Variants in DNAJC5B observed in about 807,000 individuals in gnomAD.
DNAJC5B encodes dnaJ homolog subfamily C member 5B.
In DNAJC5B, 23 loss-of-function variants were observed where a neutral mutation model predicts 24.7. That is an observed-to-expected ratio of 0.93 (90% CI 0.67 to 1.32). The LOEUF is 1.32. Among genes scored for constraint, DNAJC5B ranks in the 40% most tolerant of loss-of-function variants. DNAJC5B has a pLI of 0.00. For missense variants in DNAJC5B, 238 were observed against 240.8 expected (o/e 0.99, Z 0.08); for synonymous variants, 101 against 90.1 (o/e 1.12, Z -0.68).
intron 3 of DNAJC5B, among the ~76,000 whole-genome samples, chr8:66,051,886 T>C (rs1167023483): frequency 6.6e-6 from 1 of 152,112 alleles, no homozygotes; most frequent in Non-Finnish European, 1.5e-5. Flanking sequence ...AAGGGCAGCC[T>C]GTGTCTTAGA....
At chr8:66,026,285 CTT>C (rs1806242019) in intron 1 of DNAJC5B, among the ~76,000 whole-genome samples, 2 of 151,544 alleles carry the variant, frequency 1.3e-5, no homozygotes, top group South Asian at 4.2e-4. Context: ...TATCCTGAGA[CTT>C]TGCTGAAGTT....
chr8:66,052,154 C>G (rs375973348), intron 3 of DNAJC5B, among the ~76,000 whole-genome samples: 1 of 148,598 alleles, frequency 6.7e-6, no homozygotes, highest in Admixed American at 6.7e-5. Context: ...GATGGGGTTT[C>G]ACCATGTTGG....
At chr8:66,067,215 A>G (rs1419920647) in intron 3 of DNAJC5B, among the ~76,000 whole-genome samples, 1 of 12,494 alleles carries the variant, frequency 8.0e-5, no homozygotes, top group Non-Finnish European at 1.6e-4. Flanking sequence ...CCCCACCCCC[A>G]CATATTTTAA....
intron 1 of DNAJC5B, among the ~76,000 whole-genome samples, chr8:66,023,058 C>T (rs1410598340): frequency 1.3e-5 from 2 of 152,220 alleles, no homozygotes; most frequent in African/African-American, 2.4e-5. Flanking sequence ...CTGTCGCATA[C>T]TGCAGAATTT....
rs1808048229 is a variant in DNAJC5B at position 66,100,321 on chromosome 8, C to T, written c.*290C>T. 1 of 235,116 alleles carries T rather than the reference C, an allele frequency of 4.3e-6. No homozygotes were observed. The highest frequency in any genetic ancestry group is 5.2e-5 in the Admixed American group (1 of 19,186). 14.6% of individuals were successfully genotyped at this position (235,116 alleles called of 1,614,324 possible). On this transcript the variant is annotated 3_prime_UTR_variant, in exon 6 of 6. Coordinates refer to ENST00000276570, the MANE Select transcript of DNAJC5B (RefSeq NM_033105.6). ...GAATTGTACAGCCTTTATGAACCTG[C>T]CCTTTATGTGTGGCAGATCTGATTC...
intron 2 of DNAJC5B, among the ~76,000 whole-genome samples, chr8:66,044,587 T>C (rs1248925182): frequency 6.6e-6 from 1 of 152,150 alleles, no homozygotes; most frequent in African/African-American, 2.4e-5. Context: ...CCTATTGTCA[T>C]TGGGGGGTTG....
intron 5 of DNAJC5B, among the ~76,000 whole-genome samples, chr8:66,089,513 T>A (rs879827720): frequency 6.6e-6 from 1 of 152,248 alleles, no homozygotes; most frequent in Non-Finnish European, 1.5e-5. Flanking sequence ...ATTTTTCACC[T>A]GCCTTAAGAT....
chr8:66,078,939 C>G (rs1043165663), intron 4 of DNAJC5B, among the ~76,000 whole-genome samples: 87 of 152,106 alleles, frequency 5.7e-4, no homozygotes, highest in Non-Finnish European at 7.1e-4. Context: ...GCACACAAGT[C>G]CTCTTTGTCC....
At chr8:66,071,434 A>G (rs1807346449) in intron 3 of DNAJC5B, among the ~76,000 whole-genome samples, 1 of 152,258 alleles carries the variant, frequency 6.6e-6, no homozygotes, top group African/African-American at 2.4e-5. Context: ...TATGCAGCCA[A>G]CAGACACATG....
chr8:66,019,977 T>C (rs1406872124), upstream of DNAJC5B, among the ~76,000 whole-genome samples: 1 of 152,250 alleles, frequency 6.6e-6, no homozygotes, highest in East Asian at 1.9e-4. Context: ...TGAAGACATT[T>C]AGGAAGTTAG....
upstream of DNAJC5B, among the ~76,000 whole-genome samples, chr8:66,020,368 G>A (rs1806079354): frequency 6.6e-6 from 1 of 152,180 alleles, no homozygotes; most frequent in Non-Finnish European, 1.5e-5. Flanking sequence ...CCCAATATAT[G>A]TTCTCCTCTT....
At chr8:66,060,291 A>G (rs999650765) in intron 3 of DNAJC5B, among the ~76,000 whole-genome samples, 2 of 152,174 alleles carry the variant, frequency 1.3e-5, no homozygotes, top group Non-Finnish European at 2.9e-5. Context: ...CTTTTCCAGA[A>G]GATTCTACAG....
At chr8:66,087,552 A>G (rs1438509663) in intron 5 of DNAJC5B, among the ~76,000 whole-genome samples, 2 of 152,210 alleles carry the variant, frequency 1.3e-5, no homozygotes, top group Non-Finnish European at 2.9e-5. Context: ...GACAAGGCAC[A>G]TCCCTTCTAC....
chr8:66,100,060 C>T lies in DNAJC5B; in HGVS notation c.*29C>T, dbSNP rs1808041990. The T allele has an allele frequency of 6.3e-7, 1 of 1,597,468 alleles. No individual in the cohort carries two copies. Among genetic ancestry groups the T allele is most frequent in the Non-Finnish European group, 8.6e-7 (1 of 1,166,612 alleles). On this transcript the variant is annotated 3_prime_UTR_variant, in exon 6 of 6. Coordinates refer to ENST00000276570, the MANE Select transcript of DNAJC5B (RefSeq NM_033105.6). ...TGAGCCCTCAGAGAGTCCACAGTCC[C>T]TCCTCTCAGTTCAGTCTTGTCTCCA...
upstream of DNAJC5B, among the ~76,000 whole-genome samples, chr8:66,017,541 A>G (rs1333710501): frequency 6.6e-6 from 1 of 152,236 alleles, no homozygotes; most frequent in Non-Finnish European, 1.5e-5. Context: ...ATTTAGATGT[A>G]CTTTTTCAGA....
chr8:66,015,575 C>G, the DNAJC5B span, among the ~76,000 whole-genome samples: 3 of 149,030 alleles, frequency 2.0e-5, no homozygotes, highest in Non-Finnish European at 4.5e-5. Flanking sequence ...GAGAGAGAGA[C>G]AGAGACAGAG....
At chr8:66,041,207 C>G (rs972490341) in intron 1 of DNAJC5B, among the ~76,000 whole-genome samples, 2 of 152,092 alleles carry the variant, frequency 1.3e-5, no homozygotes, top group African/African-American at 4.8e-5. Flanking sequence ...TAGAGAGGTA[C>G]TAAAAATAAT....
At chr8:66,059,879 G>T (rs570431896) in intron 3 of DNAJC5B, among the ~76,000 whole-genome samples, 1 of 152,148 alleles carries the variant, frequency 6.6e-6, no homozygotes, top group African/African-American at 2.4e-5. Context: ...TGCCAGGCAC[G>T]GTAGGCACAG....
chr8:66,073,721 C>T (rs955244319), intron 3 of DNAJC5B, among the ~76,000 whole-genome samples: 1 of 152,066 alleles, frequency 6.6e-6, no homozygotes, highest in Non-Finnish European at 1.5e-5. Context: ...CCCAGAAATC[C>T]AGGGAAAGGA....
Sources: allele counts gnomAD v4.1 joint callset (sites outside exome capture counted in the v4.1 genomes callset), GRCh38; gene constraint gnomAD v4.1.1; transcripts MANE v1.5; gene names NCBI Gene and HGNC (gene_info 2026-07-23, HGNC 2026-07-21).